Variants in CDYL observed in about 807,000 individuals in gnomAD.
The protein encoded by CDYL is chromodomain Y-like protein.
Under a neutral mutation model 47.3 loss-of-function variants are expected in CDYL, and 8 were observed. The ratio of observed to expected loss-of-function variants is 0.17; its 90% CI spans 0.10 to 0.31. CDYL has a LOEUF of 0.31. Ranked by LOEUF, CDYL falls within the 10% of genes least tolerant of loss-of-function variation. CDYL has a pLI of 1.00. For synonymous variants in CDYL, 266 were observed against 265.0 expected (o/e 1.00, Z -0.04); for missense variants, 471 against 701.4 (o/e 0.67, Z 3.71).
At chr6:4,900,089 A>C (rs971350546) in intron 2 of CDYL, among the ~76,000 whole-genome samples, 30 of 152,188 alleles carry the variant, frequency 2.0e-4, no homozygotes, top group African/African-American at 7.2e-4. Context: ...ATATGAGTTC[A>C]CTGTTACCTC....
chr6:4,802,196 ACT>A (rs1269293528), intron 1 of CDYL, among the ~76,000 whole-genome samples: 1 of 151,992 alleles, frequency 6.6e-6, no homozygotes, highest in Non-Finnish European at 1.5e-5. Context: ...TTGAGATTTA[ACT>A]CTCTTCCTGG....
At chr6:4,908,736 A>G (rs763171886) in intron 2 of CDYL, among the ~76,000 whole-genome samples, 6 of 152,190 alleles carry the variant, frequency 3.9e-5, no homozygotes, top group Admixed American at 6.5e-5. Context: ...CAGGAGAACC[A>G]GTAGCCCACA....
intron 1 of CDYL, among the ~76,000 whole-genome samples, chr6:4,867,337 T>C (rs2127471424): frequency 6.6e-6 from 1 of 152,280 alleles, no homozygotes; most frequent in Admixed American, 6.5e-5. Flanking sequence ...ATGTAGATTT[T>C]GTCTTTTTCT....
chr6:4,748,423 G>A (rs1252235638), intron 3 of CDYL, among the ~76,000 whole-genome samples: 3 of 151,930 alleles, frequency 2.0e-5, no homozygotes, highest in Non-Finnish European at 2.9e-5. Flanking sequence ...AGGCTATATG[G>A]CAAATGTCTA....
intron 1 of CDYL, among the ~76,000 whole-genome samples, chr6:4,867,671 GC>G (rs1371443591): frequency 1.3e-5 from 2 of 151,860 alleles, no homozygotes; most frequent in African/African-American, 2.4e-5. Context: ...GATAAACTCT[GC>G]CTGGTCATGA....
At chr6:4,870,741 A>G (rs550517858) in intron 1 of CDYL, among the ~76,000 whole-genome samples, 1 of 151,948 alleles carries the variant, frequency 6.6e-6, no homozygotes, top group African/African-American at 2.4e-5. Context: ...TGATCTCTCA[A>G]ATGTTCACTG....
intron 1 of CDYL, among the ~76,000 whole-genome samples, chr6:4,843,805 C>A (rs887868208): frequency 6.6e-6 from 1 of 152,080 alleles, no homozygotes; most frequent in Non-Finnish European, 1.5e-5. Context: ...AATAATCGAC[C>A]TGCTGAATTC....
chr6:4,923,743 T>C (rs74764944), intron 2 of CDYL, among the ~76,000 whole-genome samples: 2,840 of 152,100 alleles, frequency 0.019, 37 homozygotes, highest in Non-Finnish European at 0.026. Context: ...AAAAAATATT[T>C]AAAAAAAATT....
At chr6:4,928,214 T>G (rs935351765) in intron 2 of CDYL, among the ~76,000 whole-genome samples, 1 of 152,228 alleles carries the variant, frequency 6.6e-6, no homozygotes, top group African/African-American at 2.4e-5. Flanking sequence ...TTTACAGTGC[T>G]TGGTGTTCTC....
At chr6:4,834,966 T>C (rs926817740) in intron 1 of CDYL, among the ~76,000 whole-genome samples, 2 of 152,206 alleles carry the variant, frequency 1.3e-5, no homozygotes, top group African/African-American at 4.8e-5. Flanking sequence ...ATTCTAGTTA[T>C]ACATTCGTCT....
chr6:4,839,976 G>A (rs551859261), intron 1 of CDYL, among the ~76,000 whole-genome samples: 1 of 152,138 alleles, frequency 6.6e-6, no homozygotes, highest in East Asian at 1.9e-4. Context: ...TGTTTTGATG[G>A]GAATTGCATT....
intron 1 of CDYL, among the ~76,000 whole-genome samples, chr6:4,801,487 A>G (rs1296300782): frequency 6.6e-6 from 1 of 152,062 alleles, no homozygotes; most frequent in African/African-American, 2.4e-5. Context: ...TCTTCTGAGG[A>G]TTATTGTGTT....
chr6:4,719,823 A>G (rs1399849306), intron 2 of CDYL, among the ~76,000 whole-genome samples: 1 of 152,174 alleles, frequency 6.6e-6, no homozygotes, highest in African/African-American at 2.4e-5. Context: ...CATTTCCAAG[A>G]TCTCTTGCCA....
chr6:4,942,052 G>A (rs933644037), intron 4 of CDYL, among the ~76,000 whole-genome samples: 1 of 152,162 alleles, frequency 6.6e-6, no homozygotes, highest in Non-Finnish European at 1.5e-5. Context: ...GCTTCATGTA[G>A]TTCTTCTAGG....
At chr6:4,905,688 C>G (rs896610855) in intron 2 of CDYL, among the ~76,000 whole-genome samples, 4 of 152,228 alleles carry the variant, frequency 2.6e-5, no homozygotes, top group Non-Finnish European at 4.4e-5. Context: ...CCAGCACTGG[C>G]TTTCTGCATG....
chr6:4,821,864 A>G (rs1454726794), intron 1 of CDYL, among the ~76,000 whole-genome samples: 2 of 152,116 alleles, frequency 1.3e-5, no homozygotes, highest in Admixed American at 1.3e-4. Context: ...ATTTGAGGTA[A>G]TTGTAGCCAT....
intron 1 of CDYL, among the ~76,000 whole-genome samples, chr6:4,876,908 A>G (rs767215788): frequency 6.6e-6 from 1 of 152,224 alleles, no homozygotes. Flanking sequence ...ACGCAGTGCC[A>G]TCATGGTACT....
intron 1 of CDYL, among the ~76,000 whole-genome samples, chr6:4,879,048 A>T (rs1373684680): frequency 2.6e-5 from 4 of 152,188 alleles, no homozygotes; most frequent in African/African-American, 9.6e-5. Flanking sequence ...CAGTCAGAGA[A>T]CATAACCTGT....
At chr6:4,863,497 TC>T (rs1761233544) in intron 1 of CDYL, among the ~76,000 whole-genome samples, 1 of 152,230 alleles carries the variant, frequency 6.6e-6, no homozygotes, top group Non-Finnish European at 1.5e-5. Flanking sequence ...GAATGATCCT[TC>T]CAAAGGAATT....
Sources: allele counts gnomAD v4.1 joint callset (sites outside exome capture counted in the v4.1 genomes callset), GRCh38; gene constraint gnomAD v4.1.1; transcripts MANE v1.5; gene names NCBI Gene and HGNC (gene_info 2026-07-23, HGNC 2026-07-21).